CREBRF: variants seen among roughly 807,000 people sequenced by gnomAD.
CREBRF encodes CREB3 regulatory factor.
A neutral mutation model predicts 66.1 loss-of-function variants in CREBRF; 5 were observed. The ratio of observed to expected loss-of-function variants is 0.08; its 90% CI spans 0.04 to 0.16. The LOEUF is 0.16. Among genes scored for constraint, CREBRF ranks in the 10% least tolerant of loss-of-function variants. CREBRF has a pLI of 1.00. For missense variants in CREBRF, 531 were observed against 744.9 expected (o/e 0.71, Z 3.34); for synonymous variants, 229 against 264.4 (o/e 0.87, Z 1.30).
At chr5:173,119,278 C>G (rs1291067475) in intron 7 of CREBRF, among the ~76,000 whole-genome samples, 1 of 152,188 alleles carries the variant, frequency 6.6e-6, no homozygotes, top group African/African-American at 2.4e-5. Context: ...GAATTACTAT[C>G]TTAAAATGGA....
chr5:173,057,752 A>C (rs781353948), intron 1 of CREBRF: 1 of 151,974 alleles, frequency 6.6e-6, no homozygotes, highest in African/African-American at 2.4e-5. Flanking sequence ...GTGAAGGGGA[A>C]GTTTTGTAAA....
Position 173,086,593 on chromosome 5 carries a change from A to C in CREBRF, c.102A>C (p.Ala34=), listed in dbSNP as rs138913647. Residue 34 remains alanine (A), a synonymous_variant, in exon 3 of 9, where the codon GCA becomes GCC. Coordinates refer to ENST00000296953, the MANE Select transcript of CREBRF (RefSeq NM_153607.3). ...EQTLMSTDLL[A]NSSDPDFMYE... is the part of the protein sequence containing the mutation. Reference sequence around the variant, plus strand: ...CTCTGATGAGCACAGATCTCTTAGCAAACAGTTCGGATCCAGATTTCATGT... The same window carrying C: ...CTCTGATGAGCACAGATCTCTTAGCCAACAGTTCGGATCCAGATTTCATGT... 1.9e-5 allele frequency: 30 copies of C among 1,613,380 alleles called. No homozygotes were observed. Among genetic ancestry groups the C allele is most frequent in the Non-Finnish European group, 2.4e-5 (28 of 1,179,780 alleles).
In CREBRF at chr5:173,138,204, C is replaced by T. The variant is rs1044537311; in HGVS notation, c.*4459C>T. 3 of 152,018 alleles carry T rather than the reference C, an allele frequency of 2.0e-5. No homozygotes were observed. Among genetic ancestry groups the T allele is most frequent in the Admixed American group, 2.0e-4 (3 of 15,244 alleles). The allele number at this position is 152,018 out of a possible 1,614,324, so 9.4% of individuals were successfully genotyped here. A position where few individuals can be genotyped will look rare whatever the true frequency, so the allele number is the denominator to read the frequency against. On this transcript the variant is annotated 3_prime_UTR_variant, in exon 9 of 9. Coordinates refer to ENST00000296953, the MANE Select transcript of CREBRF (RefSeq NM_153607.3). ...GTAATCTTTGTAATCTTAATAAGGG[C>T]ATTATGAGAAGACGACTCCATGTTT...
At chr5:173,107,381 C>CT (rs1758773056) in intron 4 of CREBRF, among the ~76,000 whole-genome samples, 2 of 152,162 alleles carry the variant, frequency 1.3e-5, no homozygotes, top group African/African-American at 4.8e-5. Flanking sequence ...TGGCCATTCT[C>CT]TGAGGGTATT....
At chr5:173,106,650 G>C (rs931608767) in intron 4 of CREBRF, among the ~76,000 whole-genome samples, 2 of 151,980 alleles carry the variant, frequency 1.3e-5, no homozygotes, top group African/African-American at 4.8e-5. Flanking sequence ...CCCTCTTACA[G>C]TGTACACTTC....
At chr5:173,086,948 GTTT>G (rs765109361) in intron 3 of CREBRF, among the ~76,000 whole-genome samples, 1 of 56,232 alleles carries the variant, frequency 1.8e-5, no homozygotes, top group African/African-American at 4.3e-5. Flanking sequence ...AACTAATTTT[GTTT>G]TTTTTTTTTT....
At chr5:173,081,417 C>G (rs1211170064) in intron 2 of CREBRF, among the ~76,000 whole-genome samples, 1 of 152,158 alleles carries the variant, frequency 6.6e-6, no homozygotes, top group Non-Finnish European at 1.5e-5. Flanking sequence ...CTTTTCTTCT[C>G]CAGTGTTTAG....
At chr5:173,121,340 T>TG (rs975159103) in intron 7 of CREBRF, among the ~76,000 whole-genome samples, 15 of 152,018 alleles carry the variant, frequency 9.9e-5, no homozygotes, top group African/African-American at 3.6e-4. Context: ...TTTTTTTTTT[T>TG]GAGTTGGAGT....
Position 173,106,290 on chromosome 5 carries a change from C to A in CREBRF, c.1223-2334C>A, listed in dbSNP as rs907606894. 4.6e-5 allele frequency among the ~76,000 whole-genome samples: 7 copies of A among 151,864 alleles called. No homozygotes were observed. The East Asian group carries it at 1.4e-3, about 30-fold the overall frequency. ...TAAAAAATAGAAAAAATTAGCCAGG[C>A]GTGGTGGTGGGCGCCTGTAGTCCCA... is the stretch of plus-strand genomic sequence containing the variant. On this transcript the variant is annotated intron_variant, in intron 4 of 8. Transcript: ENST00000296953.
intron 1 of CREBRF, among the ~76,000 whole-genome samples, chr5:173,069,534 C>G (rs2113676393): frequency 6.6e-6 from 1 of 152,162 alleles, no homozygotes; most frequent in East Asian, 1.9e-4. Flanking sequence ...GTTGGCCAGG[C>G]TGGTCTCGAA....
chr5:173,068,028 T>C, intron 1 of CREBRF: 1 of 343,230 alleles, frequency 2.9e-6, no homozygotes, highest in South Asian at 2.1e-5. Flanking sequence ...GTTAATTTTG[T>C]CTTCTGTTTT....
At chr5:173,095,996 G>C (rs1469153558) in intron 4 of CREBRF, among the ~76,000 whole-genome samples, 1 of 151,564 alleles carries the variant, frequency 6.6e-6, no homozygotes, top group Non-Finnish European at 1.5e-5. Flanking sequence ...TTGAGACAGA[G>C]TCTTGCTCTG....
intron 7 of CREBRF, among the ~76,000 whole-genome samples, chr5:173,122,332 C>T (rs1759155055): frequency 6.6e-6 from 1 of 152,116 alleles, no homozygotes; most frequent in Admixed American, 6.5e-5. Flanking sequence ...AACTCCTGAC[C>T]TCATGCAGTC....
intron 3 of CREBRF, among the ~76,000 whole-genome samples, chr5:173,089,455 A>G (rs1032216858): frequency 6.6e-6 from 1 of 152,014 alleles, no homozygotes; most frequent in African/African-American, 2.4e-5. Context: ...ATAAAAATAT[A>G]TGGTGGGCAG....
intron 4 of CREBRF, among the ~76,000 whole-genome samples, chr5:173,101,180 G>A (rs547447882): frequency 1.3e-5 from 2 of 151,964 alleles, no homozygotes; most frequent in Admixed American, 6.5e-5. Context: ...TTCCACCTCA[G>A]CCTCCCAAGT....
chr5:173,074,021 G>A (rs1316234023), intron 1 of CREBRF, among the ~76,000 whole-genome samples: 1 of 136,166 alleles, frequency 7.3e-6, no homozygotes, highest in Non-Finnish European at 1.6e-5. Context: ...TTTTCTTTTT[G>A]GCCGGTTGCG....
intron 1 of CREBRF, among the ~76,000 whole-genome samples, chr5:173,068,479 T>C (rs888117169): frequency 6.6e-6 from 1 of 152,200 alleles, no homozygotes; most frequent in Non-Finnish European, 1.5e-5. Context: ...GCCAGTATAA[T>C]GAACTATGAA....
rs777041417 is a variant in CREBRF, at chr5:173,080,766, G to A, written c.-10G>A. On this transcript the variant is annotated 5_prime_UTR_variant, in exon 2 of 9. Coordinates refer to ENST00000296953, the MANE Select transcript of CREBRF (RefSeq NM_153607.3). Reference sequence around the variant, plus strand: ...GTTTGGAATCGGATTCACAGGATCTGGGCTTGGAAATGCCTCAGGTAAATC... The same window carrying A: ...GTTTGGAATCGGATTCACAGGATCTAGGCTTGGAAATGCCTCAGGTAAATC... The A allele has an allele frequency of 3.7e-6, 6 of 1,613,446 alleles. No homozygotes were observed. The highest frequency in any genetic ancestry group is 3.3e-5 in the Admixed American group (2 of 59,922).
At chr5:173,058,786 CTTTTTTTT>C (rs70984932) in intron 1 of CREBRF, among the ~76,000 whole-genome samples, 10 of 64,092 alleles carry the variant, frequency 1.6e-4, no homozygotes, top group South Asian at 4.9e-4. Context: ...CGCCCAGCCT[CTTTTTTTT>C]TTTTTTTTTT....
Sources: allele counts gnomAD v4.1 joint callset (sites outside exome capture counted in the v4.1 genomes callset), GRCh38; gene constraint gnomAD v4.1.1; transcripts MANE v1.5; gene names NCBI Gene and HGNC (gene_info 2026-07-23, HGNC 2026-07-21).